BICD1: variants seen among roughly 807,000 people sequenced by gnomAD.
BICD1 encodes BICD cargo adaptor 1, also known as protein bicaudal D homolog 1.
Under a neutral mutation model 92.5 loss-of-function variants are expected in BICD1, and 35 were observed. The observed-to-expected ratio is 0.38, with a 90% CI of 0.29 to 0.50. The LOEUF is 0.50. Among genes scored for constraint, BICD1 ranks in the 20% least tolerant of loss-of-function variants. The probability of loss-of-function intolerance (pLI) is 0.93; values close to 1 mark genes in which losing one functional copy is unlikely to be tolerated. For synonymous variants in BICD1, 429 were observed against 465.1 expected, an observed-to-expected ratio of 0.92 and a Z score of 1.00; for missense variants, 950 against 1,189.8, an observed-to-expected ratio of 0.80 and a Z score of 2.97.
intron 1 of BICD1, among the ~76,000 whole-genome samples, chr12:32,209,360 T>C (rs1007174985): frequency 6.6e-6 from 1 of 152,076 alleles, no homozygotes; most frequent in African/African-American, 2.4e-5. Context: ...TGCAGAACAA[T>C]GTAGAGAAAA....
intron 1 of BICD1, among the ~76,000 whole-genome samples, chr12:32,109,853 A>G (rs1941623138): frequency 6.6e-6 from 1 of 152,064 alleles, no homozygotes; most frequent in African/African-American, 2.4e-5. Context: ...ATCCAAAATA[A>G]TTGTGCAAAC....
At chr12:32,130,113 T>G (rs907940895) in intron 1 of BICD1, among the ~76,000 whole-genome samples, 16 of 152,194 alleles carry the variant, frequency 1.1e-4, no homozygotes, top group African/African-American at 3.9e-4. Flanking sequence ...GAAGAGATGT[T>G]CAATCTGAGT....
intron 1 of BICD1, among the ~76,000 whole-genome samples, chr12:32,149,925 A>G (rs1943238845): frequency 6.6e-6 from 1 of 152,160 alleles, no homozygotes; most frequent in Non-Finnish European, 1.5e-5. Context: ...TAATAAAGAC[A>G]TACCCACGAC....
intron 1 of BICD1, among the ~76,000 whole-genome samples, chr12:32,148,191 G>A (rs978285523): frequency 6.7e-6 from 1 of 148,902 alleles, no homozygotes; most frequent in Non-Finnish European, 1.5e-5. Context: ...TCACTGAGGT[G>A]CTAAGCAGGG....
At chr12:32,261,417 C>G (rs575223537) in intron 2 of BICD1, among the ~76,000 whole-genome samples, 1 of 152,232 alleles carries the variant, frequency 6.6e-6, no homozygotes, top group Admixed American at 6.5e-5. Context: ...TTTGTGGGCT[C>G]TCACTGGTGT....
Position 32,107,199 on chromosome 12 carries a change from C to A in BICD1, c.-133C>A. 1 of 858,110 alleles carries A rather than the reference C, an allele frequency of 1.2e-6. No individual in the cohort carries two copies. Among genetic ancestry groups the A allele is most frequent in the Non-Finnish European group, 1.8e-6 (1 of 560,252 alleles). The allele number at this position is 858,110 out of a possible 1,614,324, so 53.2% of individuals were successfully genotyped here. On this transcript the variant is annotated 5_prime_UTR_variant, in exon 1 of 10. It adds an upstream start codon to the 5' untranslated region. Coordinates refer to ENST00000652176, the MANE Select transcript of BICD1 (RefSeq NM_001714.4). ...CCACCAGAGCCGGCGGGGCATCGCG[C>A]TGCTCATTCATCCGGCCGCACTTTC...
intron 1 of BICD1, among the ~76,000 whole-genome samples, chr12:32,118,701 C>T (rs954272096): frequency 1.3e-5 from 2 of 152,198 alleles, no homozygotes; most frequent in Admixed American, 6.5e-5. Context: ...TTGGTATCTG[C>T]AGGGGGTCCT....
intron 2 of BICD1, among the ~76,000 whole-genome samples, chr12:32,284,054 CT>C (rs1947492059): frequency 6.6e-6 from 1 of 152,254 alleles, no homozygotes; most frequent in Admixed American, 6.5e-5. Context: ...ATCAGGCCTT[CT>C]TGGCCCCAAC....
intron 1 of BICD1, among the ~76,000 whole-genome samples, chr12:32,214,651 T>C (rs1305596883): frequency 6.6e-6 from 1 of 152,210 alleles, no homozygotes; most frequent in Non-Finnish European, 1.5e-5. Context: ...TTCCATAATC[T>C]CTATGAGAAA....
At chr12:32,251,324 T>G (rs1459497824) in intron 2 of BICD1, among the ~76,000 whole-genome samples, 1 of 152,180 alleles carries the variant, frequency 6.6e-6, no homozygotes, top group Non-Finnish European at 1.5e-5. Flanking sequence ...GCTATAGAAG[T>G]AAATACTTAA....
chr12:32,171,719 A>C (rs1296957480), intron 1 of BICD1, among the ~76,000 whole-genome samples: 2 of 152,146 alleles, frequency 1.3e-5, no homozygotes, highest in African/African-American at 4.8e-5. Context: ...GGATCACTCT[A>C]GGTCAGGAGC....
At chr12:32,365,822 T>C (rs1445748726) in intron 8 of BICD1, among the ~76,000 whole-genome samples, 1 of 152,184 alleles carries the variant, frequency 6.6e-6, no homozygotes, top group Non-Finnish European at 1.5e-5. Context: ...CTTAAGACTC[T>C]GAGTTTCTAC....
chr12:32,134,798 G>T (rs965673391), intron 1 of BICD1, among the ~76,000 whole-genome samples: 2 of 152,300 alleles, frequency 1.3e-5, no homozygotes, highest in East Asian at 3.9e-4. Flanking sequence ...GAGCAATGCC[G>T]ACAAGCCTGG....
intron 8 of BICD1, among the ~76,000 whole-genome samples, chr12:32,362,672 G>A (rs995356178): frequency 4.6e-5 from 7 of 152,136 alleles, no homozygotes; most frequent in African/African-American, 1.4e-4. Flanking sequence ...AGCATCCAGA[G>A]GAGTGAATAG....
intron 1 of BICD1, among the ~76,000 whole-genome samples, chr12:32,188,045 T>A (rs531546755): frequency 1.6e-4 from 25 of 152,176 alleles, no homozygotes; most frequent in Non-Finnish European, 3.2e-4. Flanking sequence ...TTCATGCAAT[T>A]CTCCCACCTC....
At chr12:32,343,034 T>C (rs571112498) in intron 8 of BICD1, among the ~76,000 whole-genome samples, 1 of 152,356 alleles carries the variant, frequency 6.6e-6, no homozygotes, top group South Asian at 2.1e-4. Flanking sequence ...GCAGTGCTTC[T>C]GGCCATGGCT....
At chr12:32,128,321 A>G (rs191983326) in intron 1 of BICD1, among the ~76,000 whole-genome samples, 227 of 152,352 alleles carry the variant, frequency 1.5e-3, no homozygotes, top group African/African-American at 5.3e-3. Flanking sequence ...TTGAGGAAGC[A>G]TATGCGTATT....
intron 1 of BICD1, among the ~76,000 whole-genome samples, chr12:32,117,705 T>TACACACACACACAC (rs1187433090): frequency 0.011 from 954 of 84,054 alleles, 4 homozygotes; most frequent in East Asian, 0.035. Context: ...TATACACAAA[T>TACACACACACACAC]ATATATACAC....
chr12:32,277,191 C>G (rs1947298451), intron 2 of BICD1, among the ~76,000 whole-genome samples: 1 of 152,132 alleles, frequency 6.6e-6, no homozygotes, highest in South Asian at 2.1e-4. Flanking sequence ...GCCAGGAGTT[C>G]AAGACCAGCC....
Sources: gnomAD v4.1 joint callset for allele counts (sites outside exome capture counted in the v4.1 genomes callset) on GRCh38, gnomAD v4.1.1 for gene constraint, MANE v1.5 for transcripts, NCBI Gene and HGNC (gene_info 2026-07-23, HGNC 2026-07-21) for gene names.